The following GRIN2A variants were observed in gnomAD, a reference collection of about 807,000 sequenced individuals.
The protein encoded by GRIN2A is glutamate ionotropic receptor NMDA type subunit 2A.
A neutral mutation model predicts 113.4 loss-of-function variants in GRIN2A; 22 were observed. The ratio of observed to expected loss-of-function variants is 0.19; its 90% CI spans 0.14 to 0.28. The LOEUF (loss-of-function observed/expected upper bound fraction) is 0.28. Ranked by LOEUF, GRIN2A falls within the 10% of genes least tolerant of loss-of-function variation. The probability of loss-of-function intolerance (pLI) is 1.00; values close to 1 mark genes in which losing one functional copy is unlikely to be tolerated. For missense variants in GRIN2A, 1,502 were observed against 1,887.0 expected (o/e 0.80, Z 3.78); for synonymous variants, 827 against 738.4 (o/e 1.12, Z -1.94).
chr16:9,847,570 A>T (rs931588097), intron 5 of GRIN2A, among the ~76,000 whole-genome samples: 4 of 151,492 alleles, frequency 2.6e-5, no homozygotes, highest in South Asian at 2.1e-4. Context: ...GTCATTATAT[A>T]AAAAAAATTA....
At chr16:9,987,644 G>A (rs1000670704) in intron 2 of GRIN2A, among the ~76,000 whole-genome samples, 6 of 152,150 alleles carry the variant, frequency 3.9e-5, no homozygotes, top group African/African-American at 1.4e-4. Flanking sequence ...TTCAAATTCT[G>A]TATATTTGGC....
chr16:10,051,062 T>A (rs1011893278), intron 2 of GRIN2A, among the ~76,000 whole-genome samples: 3 of 152,132 alleles, frequency 2.0e-5, no homozygotes, highest in African/African-American at 7.2e-5. Flanking sequence ...AGTTAGGTGG[T>A]AGGATGATGT....
chr16:10,039,648 C>G (rs2047105889), intron 2 of GRIN2A, among the ~76,000 whole-genome samples: 1 of 151,576 alleles, frequency 6.6e-6, no homozygotes, highest in Non-Finnish European at 1.5e-5. Context: ...AGGGTCCGCA[C>G]CCGGGAGCGG....
chr16:10,042,420 C>T (rs1017471334), intron 2 of GRIN2A, among the ~76,000 whole-genome samples: 1 of 152,108 alleles, frequency 6.6e-6, no homozygotes, highest in Non-Finnish European at 1.5e-5. Context: ...AATGAGGCCC[C>T]CTGCCAGCAG....
Position 9,757,265 on chromosome 16 carries a change from C to T in GRIN2A, c.*5884G>A, listed in dbSNP as rs8045712. 82,790 of 218,178 alleles carry T rather than the reference C, an allele frequency of 0.38. 16,965 individuals carry two copies. The highest frequency in any genetic ancestry group is 0.55 in the South Asian group (2,945 of 5,366). The allele number at this position is 218,178 out of a possible 1,614,324, so 13.5% of individuals were successfully genotyped here. ...ACCTGGTTAGCAGCTCCTGGGTCTC[C>T]TAAGTCCATTATTTGAAGATTAAAA... On this transcript the variant is annotated 3_prime_UTR_variant, in exon 13 of 13. Transcript: ENST00000330684.
chr16:10,113,302 C>T (rs1054383090), intron 2 of GRIN2A, among the ~76,000 whole-genome samples: 7 of 152,192 alleles, frequency 4.6e-5, no homozygotes, highest in African/African-American at 7.2e-5. Flanking sequence ...GGCCGCTGCC[C>T]CCTCAGCCAT....
rs954676556 is a variant in GRIN2A, at chr16:9,758,640, A to G, written c.*4509T>C. 4.7e-6 allele frequency: 1 copy of G among 213,328 alleles called. No homozygotes were observed. Among genetic ancestry groups the G allele is most frequent in the Non-Finnish European group, 9.5e-6 (1 of 105,464 alleles). 13.2% of individuals were successfully genotyped at this position (213,328 alleles called of 1,614,324 possible). On this transcript the variant is annotated 3_prime_UTR_variant, in exon 13 of 13. Transcript: ENST00000330684. ...GCATGTATATTATATACATGTGTAC[A>G]CAAGCAGTTGTATTCACAGGATAAG...
At chr16:9,792,105 G>GTGTGTC (rs3831728) in intron 11 of GRIN2A, among the ~76,000 whole-genome samples, 2,934 of 151,102 alleles carry the variant, frequency 0.019, 90 homozygotes, top group African/African-American at 0.06. Context: ...GTGTGTGTGT[G>GTGTGTC]TGTATCTTTC....
chr16:10,003,803 C>T (rs557069333), intron 2 of GRIN2A, among the ~76,000 whole-genome samples: 3 of 152,268 alleles, frequency 2.0e-5, no homozygotes, highest in Admixed American at 6.5e-5. Flanking sequence ...AGACACTGAG[C>T]TATGAGTAAG....
intron 3 of GRIN2A, among the ~76,000 whole-genome samples, chr16:9,891,939 G>A (rs148337379): frequency 2.7e-4 from 41 of 152,120 alleles, no homozygotes; most frequent in African/African-American, 7.9e-4. Flanking sequence ...TCTTAAAACC[G>A]TGGGAAGGTG....
intron 5 of GRIN2A, among the ~76,000 whole-genome samples, chr16:9,844,462 C>G (rs767495189): frequency 4.6e-5 from 7 of 152,284 alleles, no homozygotes; most frequent in Middle Eastern, 6.8e-3. Context: ...CCTATTACAG[C>G]CCTTGTGTGG....
chr16:10,004,520 C>G (rs921961944), intron 2 of GRIN2A, among the ~76,000 whole-genome samples: 1 of 152,158 alleles, frequency 6.6e-6, no homozygotes, highest in East Asian at 1.9e-4. Context: ...ATCAGTTGCA[C>G]TGGGCTAAAA....
In GRIN2A at chr16:10,180,504, C is replaced by G. The variant is rs547805277; in HGVS notation, c.-18-75G>C. The G allele has an allele frequency of 4.6e-6, 7 of 1,537,584 alleles. No homozygotes were observed. The East Asian group carries it at 1.7e-4, about 37-fold the overall frequency. On this transcript the variant is annotated intron_variant, in intron 1 of 12. Transcript: ENST00000330684. This position sits in a 1 kb window ranked among gnomAD's most constrained non-coding sequence, Gnocchi z 7.0. The stretch of plus-strand genomic sequence containing the variant: ...AAGAAAGGGATTACCAACTTGGCTT[C>G]CTGCTCTAGGAGCCAGGCATGGAAC...
At chr16:10,069,160 AG>A (rs1264554510) in intron 2 of GRIN2A, among the ~76,000 whole-genome samples, 1 of 152,178 alleles carries the variant, frequency 6.6e-6, no homozygotes, top group Non-Finnish European at 1.5e-5. Context: ...GAAGTAGGGG[AG>A]GAGTAGAGGT....
intron 2 of GRIN2A, among the ~76,000 whole-genome samples, chr16:10,098,195 A>T (rs976424140): frequency 1.2e-4 from 18 of 152,240 alleles, no homozygotes; most frequent in African/African-American, 3.6e-4. Context: ...GCCAACAAAC[A>T]TATGAACAAA....
intron 11 of GRIN2A, among the ~76,000 whole-genome samples, chr16:9,795,195 G>A (rs1448903753): frequency 6.6e-6 from 1 of 152,050 alleles, no homozygotes; most frequent in Admixed American, 6.6e-5. Flanking sequence ...ATAGGAGGTG[G>A]GCAAAAGATA....
At chr16:9,956,651 G>C (rs1567199260) in intron 2 of GRIN2A, among the ~76,000 whole-genome samples, 1 of 152,190 alleles carries the variant, frequency 6.6e-6, no homozygotes, top group Non-Finnish European at 1.5e-5. Flanking sequence ...AGATGGAAAA[G>C]ACAAATATTA....
At position 10,180,857 on chromosome 16, in the gene GRIN2A, A is replaced by G; in HGVS notation, c.-18-428T>C. ...CTCCCACCTGGGATAGAGAGGACCA[A>G]GTTATCAACCCCGCCCCCTGCTGGC... On this transcript the variant is annotated intron_variant, in intron 1 of 12. Transcript: ENST00000330684. The surrounding 1 kb of genome is among the most constrained non-coding windows in gnomAD (Gnocchi z 7.0). 1 of 212,432 alleles carries G rather than the reference A, an allele frequency of 4.7e-6. No individual in the cohort carries two copies. Among genetic ancestry groups the G allele is most frequent in the Non-Finnish European group, 9.5e-6 (1 of 104,908 alleles). The allele number at this position is 212,432 out of a possible 1,614,324, so 13.2% of individuals were successfully genotyped here.
In GRIN2A at chr16:10,179,984, G is replaced by C. The variant is rs781205781; in HGVS notation, c.414+14C>G. The stretch of plus-strand genomic sequence containing the variant: ...CTTCCCAGGTCCTGGCAGGGCATCA[G>C]TTTCCGGCCTTACCTTGTCAGCCAT... On this transcript the variant is annotated intron_variant, in intron 2 of 12. Coordinates refer to ENST00000330684, the MANE Select transcript of GRIN2A (RefSeq NM_001134407.3). 1.2e-6 allele frequency: 2 copies of C among 1,610,654 alleles called. No homozygotes were observed. The highest frequency in any genetic ancestry group is 1.7e-6 in the Non-Finnish European group (2 of 1,177,576).
Sources: allele counts gnomAD v4.1 joint callset (sites outside exome capture counted in the v4.1 genomes callset), GRCh38; gene constraint gnomAD v4.1.1; non-coding constraint Gnocchi (gnomAD v3.1); transcripts MANE v1.5; gene names NCBI Gene and HGNC (gene_info 2026-07-23, HGNC 2026-07-21).